Variants in TMBIM1 observed in about 807,000 individuals in gnomAD.
TMBIM1 encodes the protein protein lifeguard 3.
In TMBIM1, 34 loss-of-function variants were observed where a neutral mutation model predicts 45.1. That is an observed-to-expected ratio of 0.75 (90% confidence interval 0.57 to 1.00). The LOEUF (loss-of-function observed/expected upper bound fraction) is 1.00. Among genes scored for constraint, TMBIM1 ranks in the 50% least tolerant of loss-of-function variants. TMBIM1 has a pLI of 0.00. For synonymous variants in TMBIM1, 157 were observed against 153.5 expected (o/e 1.02, Z -0.17); for missense variants, 374 against 402.4 (o/e 0.93, Z 0.60).
Position 218,280,093 on chromosome 2 carries a change from G to T in TMBIM1, c.236C>A (p.Ala79Glu), listed in dbSNP as rs768283851. Reference protein sequence around the residue: ...PGHGYDGEERAVSDSFGPGEW... With the variant: ...PGHGYDGEEREVSDSFGPGEW... ...TCCAGGCCCGAAGCTATCACTCACTGCTCTCTCCTCCCCATCATAGCCATG... is the reference window on the plus strand; with the variant it reads ...TCCAGGCCCGAAGCTATCACTCACTTCTCTCTCCTCCCCATCATAGCCATG... Residue 79 changes from alanine (A) to glutamate (E), a missense_variant, in exon 3 of 12, where the codon GCA becomes GAA. Coordinates refer to ENST00000258412, the MANE Select transcript of TMBIM1 (RefSeq NM_022152.6). 3.7e-6 allele frequency: 6 copies of T among 1,613,806 alleles called. No individual in the cohort carries two copies. The African/African-American group carries it at 8.0e-5, about 22-fold the overall frequency.
chr2:218,276,949 G>A, intron 10 of TMBIM1, 55 bp downstream of exon 10: 1 of 1,470,122 alleles, frequency 6.8e-7, no homozygotes, highest in Non-Finnish European at 9.5e-7. Context: ...ATGCTATATA[G>A]GAAGTCTGCC....
At chr2:218,280,201 C>G (rs1691746920) in intron 2 of TMBIM1, 75 bp from the exon 3 acceptor site, 1 of 1,085,326 alleles carries the variant, frequency 9.2e-7, no homozygotes, top group Non-Finnish European at 1.4e-6. Context: ...CCCTGACAAT[C>G]TCAAAGTCTC....
At chr2:218,287,817 G>T (rs764014395) in intron 1 of TMBIM1, among the ~76,000 whole-genome samples, 1 of 152,176 alleles carries the variant, frequency 6.6e-6, no homozygotes, top group Non-Finnish European at 1.5e-5. Flanking sequence ...TGGAGACCGA[G>T]GGGTGGCTCC....
At chr2:218,279,375 T>C in intron 3 of TMBIM1, 22 bp from the exon 4 acceptor site, 4 of 1,539,126 alleles carry the variant, frequency 2.6e-6, no homozygotes, top group Non-Finnish European at 2.6e-6. Context: ...CGGCCGGGCA[T>C]GGGTCACCAT....
Position 218,277,625 on chromosome 2 carries a change from G to C in TMBIM1, c.551+8C>G. The C allele has an allele frequency of 6.2e-7, 1 of 1,614,174 alleles. No homozygotes were observed. Among genetic ancestry groups the C allele is most frequent in the South Asian group, 1.1e-5 (1 of 91,082 alleles). ...TTCCCAAGAGTGGTGCTTTATCCCT[G>C]AATGTACCTGGAAATGGTGCCCGTC... On this transcript the variant is annotated splice_region_variant and intron_variant, in intron 8 of 11. Coordinates refer to ENST00000258412, the MANE Select transcript of TMBIM1 (RefSeq NM_022152.6).
At chr2:218,277,523 C>T in intron 8 of TMBIM1, 70 bp from the exon 9 acceptor site, 1 of 1,606,322 alleles carries the variant, frequency 6.2e-7, no homozygotes, top group South Asian at 1.1e-5. Context: ...ATCACCACTT[C>T]CAGAGGGGAC....
chr2:218,292,448 C>G lies in TMBIM1; in HGVS notation c.-41+18G>C, dbSNP rs1351587194. On this transcript the variant is annotated intron_variant, in intron 1 of 11. Coordinates refer to ENST00000258412, the MANE Select transcript of TMBIM1 (RefSeq NM_022152.6). ...GCCCACAGTCCCCAACGGCGCCGGC[C>G]CCGGCCCCCTGGCTTGCCTGCGCCG... is the stretch of plus-strand genomic sequence containing the variant. The G allele has an allele frequency of 6.6e-6, 1 of 152,348 alleles. No individual in the cohort carries two copies. Among genetic ancestry groups the G allele is most frequent in the Non-Finnish European group, 1.5e-5 (1 of 68,128 alleles). 9.4% of individuals were successfully genotyped at this position (152,348 alleles called of 1,614,324 possible). A position where few individuals can be genotyped will look rare whatever the true frequency, so the allele number is the denominator to read the frequency against.
chr2:218,283,025 A>G (rs566302429), intron 1 of TMBIM1, among the ~76,000 whole-genome samples: 1 of 152,234 alleles, frequency 6.6e-6, no homozygotes, highest in African/African-American at 2.4e-5. Flanking sequence ...GGGGAGACAG[A>G]TGTTCTGAAT....
intron 4 of TMBIM1, 58 bp downstream of exon 4, chr2:218,279,231 G>T (rs1225957644): frequency 1.3e-6 from 2 of 1,558,938 alleles, no homozygotes; most frequent in Admixed American, 1.8e-5. Flanking sequence ...CACACCCCCA[G>T]CAGGTGACCC....
Position 218,290,627 on chromosome 2 carries a change from G to A in TMBIM1, c.-41+1839C>T, listed in dbSNP as rs552021678. 1.6e-4 allele frequency among the ~76,000 whole-genome samples: 24 copies of A among 152,278 alleles called. 1 individual carries two copies. In the South Asian group the frequency reaches 2.9e-3, roughly 18 times the overall value. On this transcript the variant is annotated intron_variant, in intron 1 of 11. Coordinates refer to ENST00000258412, the MANE Select transcript of TMBIM1 (RefSeq NM_022152.6). Reference sequence around the variant, plus strand: ...TCCAGCTACCACAGAACCAGGAAACGGGCACCCCTAACCTCACCTCTGTGC... The same window carrying A: ...TCCAGCTACCACAGAACCAGGAAACAGGCACCCCTAACCTCACCTCTGTGC...
At chr2:218,275,759 C>T (rs1362141167) in intron 11 of TMBIM1, 138 bp from the exon 12 acceptor site, 7 of 1,100,856 alleles carry the variant, frequency 6.4e-6, no homozygotes, top group Non-Finnish European at 9.0e-6. Flanking sequence ...AACATATGGG[C>T]TCTATACTGT....
At chr2:218,284,907 T>C (rs1005888398) in intron 1 of TMBIM1, among the ~76,000 whole-genome samples, 20 of 152,120 alleles carry the variant, frequency 1.3e-4, no homozygotes, top group Non-Finnish European at 2.5e-4. Context: ...CCTGGCCAAA[T>C]GGTGAAACCC....
Position 218,279,284 on chromosome 2 carries a change from C to A in TMBIM1, c.368+5G>T. ...AGGAGTGGGTGGCAAAGCCTAGAGA[C>A]TTACACAAAGGTGAAGATAGCAATG... On this transcript the variant is annotated splice_donor_5th_base_variant and intron_variant, in intron 4 of 11. Coordinates refer to ENST00000258412, the MANE Select transcript of TMBIM1 (RefSeq NM_022152.6). 6.3e-7 allele frequency: 1 copy of A among 1,577,456 alleles called. No individual in the cohort carries two copies. Among genetic ancestry groups the A allele is most frequent in the Non-Finnish European group, 8.6e-7 (1 of 1,161,432 alleles).
At chr2:218,281,914 C>T in intron 2 of TMBIM1, 26 bp downstream of exon 2, 1 of 1,557,980 alleles carries the variant, frequency 6.4e-7, no homozygotes, top group East Asian at 2.4e-5. Flanking sequence ...TCCCACCCAC[C>T]TTCCATCTGC....
intron 1 of TMBIM1, among the ~76,000 whole-genome samples, chr2:218,290,570 G>A (rs371344517): frequency 3.9e-5 from 6 of 152,294 alleles, no homozygotes; most frequent in African/African-American, 7.2e-5. Context: ...CTATCCCACC[G>A]TGGGATTTAC....
chr2:218,276,124 A>G (rs1438037941), intron 10 of TMBIM1, 45 bp from the exon 11 acceptor site: 4 of 1,599,040 alleles, frequency 2.5e-6, no homozygotes, highest in Non-Finnish European at 2.6e-6. Flanking sequence ...ACCTCAGCAA[A>G]CCACAGGCCC....
chr2:218,288,780 C>T (rs900422775), intron 1 of TMBIM1, among the ~76,000 whole-genome samples: 1 of 151,946 alleles, frequency 6.6e-6, no homozygotes, highest in Non-Finnish European at 1.5e-5. Context: ...AAAGTGTTTT[C>T]TTGGGGGTGG....
At chr2:218,275,686 A>C (rs1440127025) in intron 11 of TMBIM1, 65 bp from the exon 12 acceptor site, 1 of 1,564,148 alleles carries the variant, frequency 6.4e-7, no homozygotes, top group Non-Finnish European at 8.6e-7. Context: ...ATTTTTGGTC[A>C]GCAGATTTGT....
rs1691087796 is a variant in TMBIM1, at chr2:218,275,395, G to T, written c.*80C>A. Reference sequence around the variant, plus strand: ...TCAAGGGGAAGGAAAGGGGCCTAAAGCCCAGACCACAGTCATAGGGCCCAG... The same window carrying T: ...TCAAGGGGAAGGAAAGGGGCCTAAATCCCAGACCACAGTCATAGGGCCCAG... On this transcript the variant is annotated 3_prime_UTR_variant, in exon 12 of 12. Transcript: ENST00000258412. 8.5e-6 allele frequency: 13 copies of T among 1,521,426 alleles called. No individual in the cohort carries two copies. In the South Asian group the frequency reaches 1.7e-4, roughly 20 times the overall value. The allele number at this position is 1,521,426 out of a possible 1,614,324, so 94.2% of individuals were successfully genotyped here.
Sources: gnomAD v4.1 joint callset for allele counts (sites outside exome capture counted in the v4.1 genomes callset) on GRCh38, gnomAD v4.1.1 for gene constraint, MANE v1.5 for transcripts, NCBI Gene and HGNC (gene_info 2026-07-23, HGNC 2026-07-21) for gene names.